MBTD1: variants seen among roughly 807,000 people sequenced by gnomAD.
MBTD1 encodes the protein mbt domain containing 1.
A neutral mutation model predicts 87.8 loss-of-function variants in MBTD1; 24 were observed. The ratio of observed to expected loss-of-function variants is 0.27; its 90% CI spans 0.20 to 0.38. The LOEUF (loss-of-function observed/expected upper bound fraction) is 0.38. Among genes scored for constraint, MBTD1 ranks in the 10% least tolerant of loss-of-function variants. The pLI, the probability that MBTD1 is intolerant of heterozygous loss-of-function variation, is 1.00. For missense variants in MBTD1, 436 were observed against 760.2 expected (o/e 0.57, Z 5.02); for synonymous variants, 237 against 248.6 (o/e 0.95, Z 0.44).
chr17:51,205,536 C>T (rs1277323949), intron 7 of MBTD1, among the ~76,000 whole-genome samples: 2 of 152,040 alleles, frequency 1.3e-5, no homozygotes, highest in African/African-American at 4.8e-5. Context: ...GAAAATGTTT[C>T]AAGAAAAAGA....
intron 16 of MBTD1, among the ~76,000 whole-genome samples, chr17:51,181,404 T>C (rs76146587): frequency 0.051 from 7,707 of 151,886 alleles, 265 homozygotes; most frequent in Non-Finnish European, 0.075. Flanking sequence ...TAAAAAATTA[T>C]AAATTACATA....
chr17:51,214,108 T>C (rs1018984302), intron 6 of MBTD1, among the ~76,000 whole-genome samples: 10 of 142,162 alleles, frequency 7.0e-5, no homozygotes, highest in African/African-American at 1.3e-4. Flanking sequence ...CATATGTATA[T>C]ATGCACATCA....
At chr17:51,212,364 A>AAAAAG (rs199587768) in intron 6 of MBTD1, among the ~76,000 whole-genome samples, 3 of 151,438 alleles carry the variant, frequency 2.0e-5, no homozygotes, top group Non-Finnish European at 4.4e-5. Context: ...CCTCAAAAAA[A>AAAAAG]AAAAGAAAAG....
At chr17:51,228,961 C>A (rs1026255648) in intron 2 of MBTD1, among the ~76,000 whole-genome samples, 13 of 151,412 alleles carry the variant, frequency 8.6e-5, no homozygotes, top group African/African-American at 3.2e-4. Context: ...GGAGACGGGC[C>A]ACTGGCTGAG....
chr17:51,231,831 C>G (rs2053566794), intron 2 of MBTD1, among the ~76,000 whole-genome samples: 2 of 151,734 alleles, frequency 1.3e-5, no homozygotes, highest in African/African-American at 4.8e-5. Context: ...TACTTTTTCC[C>G]CCTTGCAAAC....
At chr17:51,197,063 T>TGGAGGACGG (rs1568161091) in intron 12 of MBTD1, among the ~76,000 whole-genome samples, 1 of 1,180 alleles carries the variant, frequency 8.5e-4, no homozygotes, top group Non-Finnish European at 1.8e-3. Context: ...TATATATATA[T>TGGAGGACGG]ATATATATAT....
At chr17:51,187,508 A>G (rs959842885) in intron 16 of MBTD1, among the ~76,000 whole-genome samples, 1 of 152,072 alleles carries the variant, frequency 6.6e-6, no homozygotes, top group Non-Finnish European at 1.5e-5. Flanking sequence ...AATACTCTGA[A>G]CTCTGCAAAT....
intron 2 of MBTD1, among the ~76,000 whole-genome samples, chr17:51,226,414 G>T (rs187210013): frequency 1.6e-4 from 24 of 151,276 alleles, no homozygotes; most frequent in Non-Finnish European, 3.4e-4. Flanking sequence ...TATGTGGGAG[G>T]ATCACTAGAG....
At chr17:51,187,558 C>A (rs775521603) in intron 16 of MBTD1, among the ~76,000 whole-genome samples, 1 of 151,912 alleles carries the variant, frequency 6.6e-6, no homozygotes, top group Admixed American at 6.6e-5. Context: ...ATATTGAAAG[C>A]TGAAGGATCA....
In MBTD1 at chr17:51,180,185, A is replaced by G. The variant is rs554205398; in HGVS notation, c.*391T>C. The G allele has an allele frequency of 6.7e-4, 108 of 161,724 alleles. 1 individual carries two copies. The highest frequency in any genetic ancestry group is 3.0e-3 in the Middle Eastern group (1 of 334). The allele number at this position is 161,724 out of a possible 1,614,324, so 10.0% of individuals were successfully genotyped here. On this transcript the variant is annotated 3_prime_UTR_variant, in exon 17 of 17. Coordinates refer to ENST00000586178, the MANE Select transcript of MBTD1 (RefSeq NM_017643.3). ...CTCCCAACAGGTACCAAAAAGGTTC[A>G]TTTGTAATGACAGTTCATTTGCATT...
chr17:51,238,962 T>TA (rs2054007353), intron 2 of MBTD1, among the ~76,000 whole-genome samples: 1 of 151,972 alleles, frequency 6.6e-6, no homozygotes, highest in African/African-American at 2.4e-5. Context: ...TAACTGGGTG[T>TA]GGTAATGTGC....
At chr17:51,223,634 G>C (rs1182136190) in intron 3 of MBTD1, among the ~76,000 whole-genome samples, 1 of 152,144 alleles carries the variant, frequency 6.6e-6, no homozygotes, top group African/African-American at 2.4e-5. Flanking sequence ...TCAGGAGTTT[G>C]AGACCGGCCT....
intron 10 of MBTD1, 74 bp downstream of exon 10, chr17:51,202,627 C>T: frequency 1.8e-6 from 2 of 1,114,716 alleles, no homozygotes; most frequent in South Asian, 2.6e-5. Context: ...TGCAATTCTG[C>T]AGAGAAAAAT....
chr17:51,212,852 T>C (rs2143435860), intron 6 of MBTD1, among the ~76,000 whole-genome samples: 2 of 151,886 alleles, frequency 1.3e-5, no homozygotes, highest in South Asian at 4.2e-4. Context: ...CACCTTCCGG[T>C]TTCAAGCAAT....
intron 2 of MBTD1, among the ~76,000 whole-genome samples, chr17:51,244,543 G>T (rs926138984): frequency 2.0e-5 from 3 of 151,914 alleles, no homozygotes; most frequent in African/African-American, 7.3e-5. Context: ...GAGTAGCTGG[G>T]ATTACAGGTG....
At position 51,179,322 on chromosome 17, in the gene MBTD1, T is replaced by G. The variant is rs941885954; in HGVS notation, c.*1254A>C. 1 of 149,742 alleles carries G rather than the reference T, an allele frequency of 6.7e-6. No individual in the cohort carries two copies. The highest frequency in any genetic ancestry group is 2.4e-5 in the African/African-American group (1 of 40,916). The allele number at this position is 149,742 out of a possible 1,614,324, so 9.3% of individuals were successfully genotyped here. ...GCGCTCTCATTCAGTCACAACTCAG[T>G]AGAAAGTTAGAAAATGCAGAGAGCA... is the stretch of plus-strand genomic sequence containing the variant. On this transcript the variant is annotated 3_prime_UTR_variant, in exon 17 of 17. Transcript: ENST00000586178.
chr17:51,179,490 A>ATATATATATATATATATTTT lies in MBTD1; in HGVS notation c.*1085_*1086insAAAATATATATATATATATA, dbSNP rs2050209252. On this transcript the variant is annotated 3_prime_UTR_variant, in exon 17 of 17. Transcript: ENST00000586178. ...AATACAATTAAAGACAATTTTATAT[A>ATATATATATATATATATTTT]TATATATATATATATATATATATAT... The ATATATATATATATATATTTT allele has an allele frequency of 3.0e-4, 7 of 23,534 alleles. No individual in the cohort carries two copies. The highest frequency in any genetic ancestry group is 3.2e-3 in the South Asian group (2 of 622). The allele number at this position is 23,534 out of a possible 1,614,324, so 1.5% of individuals were successfully genotyped here.
At chr17:51,244,424 C>CT (rs778708203) in intron 2 of MBTD1, among the ~76,000 whole-genome samples, 3 of 151,964 alleles carry the variant, frequency 2.0e-5, no homozygotes, top group Non-Finnish European at 4.4e-5. Flanking sequence ...CTTGTGTCCT[C>CT]TTTTTTTTCC....
chr17:51,237,285 G>C (rs1192516598), intron 2 of MBTD1, among the ~76,000 whole-genome samples: 1 of 116,490 alleles, frequency 8.6e-6, no homozygotes, highest in Non-Finnish European at 1.6e-5. Flanking sequence ...GATGGTGTGA[G>C]ACTCCATCTC....
Sources: allele counts gnomAD v4.1 joint callset (sites outside exome capture counted in the v4.1 genomes callset), GRCh38; gene constraint gnomAD v4.1.1; transcripts MANE v1.5; gene names NCBI Gene and HGNC (gene_info 2026-07-23, HGNC 2026-07-21).